Variants in KLHL20 observed in about 807,000 individuals in gnomAD.
KLHL20 encodes kelch-like protein 20.
In KLHL20, 29 loss-of-function variants were observed where a neutral mutation model predicts 69.5. That is an observed-to-expected ratio of 0.42 (90% CI 0.31 to 0.57). KLHL20 has a LOEUF of 0.57. Among genes scored for constraint, KLHL20 ranks in the 20% least tolerant of loss-of-function variants. KLHL20 has a pLI of 0.18. For synonymous variants in KLHL20, 253 were observed against 265.2 expected (o/e 0.95, Z 0.45); for missense variants, 419 against 776.0 (o/e 0.54, Z 5.47).
chr1:173,727,874 T>C (rs987570777), intron 2 of KLHL20, among the ~76,000 whole-genome samples: 1 of 152,162 alleles, frequency 6.6e-6, no homozygotes, highest in African/African-American at 2.4e-5. Context: ...AACATCATAA[T>C]GACAGGATCA....
intron 2 of KLHL20, among the ~76,000 whole-genome samples, chr1:173,722,870 A>G (rs1571848812): frequency 6.6e-6 from 1 of 152,100 alleles, no homozygotes; most frequent in East Asian, 1.9e-4. Context: ...TTGTATTTTT[A>G]GTAGAGATGG....
chr1:173,755,477 A>G (rs1195195035), intron 5 of KLHL20, among the ~76,000 whole-genome samples: 1 of 152,196 alleles, frequency 6.6e-6, no homozygotes, highest in East Asian at 1.9e-4. Flanking sequence ...TTGTGGCAGT[A>G]CAGTGTTTCT....
At position 173,778,696 on chromosome 1, in the gene KLHL20, A is replaced by G. The variant is rs551645466; in HGVS notation, c.1638+2854A>G. Among the ~76,000 whole-genome samples, 178 of 152,190 alleles carry G rather than the reference A, an allele frequency of 1.2e-3. 1 individual carries two copies. Among genetic ancestry groups the G allele is most frequent in the Non-Finnish European group, 1.4e-3 (92 of 68,014 alleles). ...GATTTCTTCATGGTTCAATCTTGGT[A>G]GGTTGTATGTGTCTAGGAATTTATC... On this transcript the variant is annotated intron_variant, in intron 10 of 11. Transcript: ENST00000209884.
At chr1:173,751,177 T>A (rs1326409721) in intron 3 of KLHL20, among the ~76,000 whole-genome samples, 1 of 152,176 alleles carries the variant, frequency 6.6e-6, no homozygotes, top group Non-Finnish European at 1.5e-5. Flanking sequence ...CAAGGTAATA[T>A]CCTTGTTGCC....
chr1:173,759,622 C>G (rs1209730615), intron 7 of KLHL20, among the ~76,000 whole-genome samples: 1 of 152,130 alleles, frequency 6.6e-6, no homozygotes, highest in Non-Finnish European at 1.5e-5. Context: ...AGAAGAGAGA[C>G]AGCAATCACT....
At chr1:173,781,472 C>A (rs536027647) in intron 10 of KLHL20, among the ~76,000 whole-genome samples, 9 of 152,232 alleles carry the variant, frequency 5.9e-5, no homozygotes, top group African/African-American at 2.2e-4. Flanking sequence ...TGCCCCACCA[C>A]ACCCAGCTAA....
chr1:173,740,123 C>CT (rs377138582), intron 3 of KLHL20, among the ~76,000 whole-genome samples: 2,740 of 122,192 alleles, frequency 0.022, 99 homozygotes, highest in African/African-American at 0.07. Context: ...TTTCTTTTTT[C>CT]TTTTTTTTTT....
chr1:173,751,043 A>G (rs1673288216), intron 3 of KLHL20, among the ~76,000 whole-genome samples: 2 of 152,188 alleles, frequency 1.3e-5, no homozygotes, highest in Admixed American at 1.3e-4. Context: ...GAGTAATAAT[A>G]TAACAAACCA....
chr1:173,737,181 A>G (rs529772415), intron 3 of KLHL20, among the ~76,000 whole-genome samples: 72 of 152,110 alleles, frequency 4.7e-4, no homozygotes, highest in Non-Finnish European at 6.9e-4. Context: ...TGGGTTGTCT[A>G]TTTACTCTGC....
chr1:173,720,642 G>A (rs993856292), intron 2 of KLHL20, among the ~76,000 whole-genome samples: 2 of 152,178 alleles, frequency 1.3e-5, no homozygotes, highest in African/African-American at 4.8e-5. Context: ...GAAAGATGAT[G>A]AGAACCTGAA....
intron 3 of KLHL20, 21 bp downstream of exon 3, chr1:173,734,307 C>T (rs1479717259): frequency 6.2e-7 from 1 of 1,601,750 alleles, no homozygotes; most frequent in Non-Finnish European, 8.6e-7. Flanking sequence ...CTTGGTGTTC[C>T]AATGCACCCA....
At chr1:173,755,731 T>C (rs1014246135) in intron 5 of KLHL20, among the ~76,000 whole-genome samples, 192 bp from the exon 6 acceptor site, 1 of 152,230 alleles carries the variant, frequency 6.6e-6, no homozygotes, top group Non-Finnish European at 1.5e-5. Flanking sequence ...GAAATACCAA[T>C]CAATTCACAA....
chr1:173,738,306 C>T (rs1672632805), intron 3 of KLHL20, among the ~76,000 whole-genome samples: 1 of 152,100 alleles, frequency 6.6e-6, no homozygotes, highest in South Asian at 2.1e-4. Flanking sequence ...GTAGCTGGGA[C>T]TACAGATGCG....
chr1:173,736,355 C>T (rs770262401), intron 3 of KLHL20, among the ~76,000 whole-genome samples: 12 of 152,044 alleles, frequency 7.9e-5, no homozygotes, highest in African/African-American at 1.4e-4. Flanking sequence ...GGGCTGGTTC[C>T]GTATTTTTGC....
intron 2 of KLHL20, among the ~76,000 whole-genome samples, chr1:173,726,889 C>G (rs936006506): frequency 6.6e-5 from 10 of 152,302 alleles, no homozygotes; most frequent in African/African-American, 2.2e-4. Flanking sequence ...CGGAACAAAG[C>G]TGGACGGAGA....
chr1:173,742,907 G>T (rs1006150982), intron 3 of KLHL20, among the ~76,000 whole-genome samples: 1 of 151,580 alleles, frequency 6.6e-6, no homozygotes, highest in African/African-American at 2.4e-5. Context: ...ACCATAAAAA[G>T]ATTGGTTTGA....
chr1:173,721,439 C>CTTT (rs1671709285), intron 2 of KLHL20, among the ~76,000 whole-genome samples: 1 of 152,200 alleles, frequency 6.6e-6, no homozygotes, highest in Admixed American at 6.5e-5. Context: ...ATTAAATACT[C>CTTT]TGAGTTCTTA....
chr1:173,785,050 G>T (rs1462443790), intron 11 of KLHL20, 113 bp from the exon 12 acceptor site: 3 of 769,764 alleles, frequency 3.9e-6, no homozygotes, highest in Non-Finnish European at 6.2e-6. Context: ...GAAAATATTA[G>T]TTGTAATATA....
rs1031057294 is a variant in KLHL20, at chr1:173,786,636, C to T, written c.*1389C>T. The stretch of plus-strand genomic sequence containing the variant: ...CAATTGTTTACATATATCATTTATG[C>T]TTTTTTCTAGCATGTATAACTTTTT... On this transcript the variant is annotated 3_prime_UTR_variant, in exon 12 of 12. Coordinates refer to ENST00000209884, the MANE Select transcript of KLHL20 (RefSeq NM_014458.4). 1 of 152,246 alleles carries T rather than the reference C, an allele frequency of 6.6e-6. No individual in the cohort carries two copies. The highest frequency in any genetic ancestry group is 6.6e-5 in the Admixed American group (1 of 15,232). The allele number at this position is 152,246 out of a possible 1,614,324, so 9.4% of individuals were successfully genotyped here.
Sources: allele counts gnomAD v4.1 joint callset (sites outside exome capture counted in the v4.1 genomes callset), GRCh38; gene constraint gnomAD v4.1.1; transcripts MANE v1.5; gene names NCBI Gene and HGNC (gene_info 2026-07-23, HGNC 2026-07-21).